Variants in THSD7A observed in about 807,000 individuals in gnomAD.
THSD7A encodes the protein thrombospondin type 1 domain containing 7A.
Under a neutral mutation model 231.3 loss-of-function variants are expected in THSD7A, and 96 were observed. That is an observed-to-expected ratio of 0.41 (90% CI 0.35 to 0.49). The LOEUF is 0.49. Ranked by LOEUF, THSD7A falls within the 20% of genes least tolerant of loss-of-function variation. The pLI is 0.05. For synonymous variants in THSD7A, 940 were observed against 743.3 expected, an observed-to-expected ratio of 1.26 and a Z score of -4.30; for missense variants, 2,290 against 2,070.2, an observed-to-expected ratio of 1.11 and a Z score of -2.06.
At chr7:11,676,038 C>T (rs1783624379) in intron 1 of THSD7A, among the ~76,000 whole-genome samples, 1 of 152,276 alleles carries the variant, frequency 6.6e-6, no homozygotes. Flanking sequence ...CTGGCAGGTG[C>T]CCCTCTAGGA....
rs771790315 is a variant in THSD7A at position 11,406,980 on chromosome 7, T to C, written c.3992A>G (p.Gln1331Arg). 6.2e-7 allele frequency: 1 copy of C among 1,613,930 alleles called. No homozygotes were observed. The highest frequency in any genetic ancestry group is 8.5e-7 in the Non-Finnish European group (1 of 1,179,858). Residue 1331 changes from glutamine to arginine, a missense_variant, in exon 21 of 28, where the codon CAG becomes CGG. Gln to Arg is a conservative substitution (Grantham distance 43). Transcript: ENST00000423059. The surrounding 1 kb of genome is among the most constrained non-coding windows in gnomAD (Gnocchi z 4.7). ...DGRPCPSLMDQSKPCPVKPCY... is the reference protein window; with the variant it reads ...DGRPCPSLMDRSKPCPVKPCY... Reference sequence around the variant, plus strand: ...AGGCTTCACTGGGCAGGGTTTGGACTGGTCCATCAGGGAAGGGCATGGTCT... The same window carrying C: ...AGGCTTCACTGGGCAGGGTTTGGACCGGTCCATCAGGGAAGGGCATGGTCT...
At chr7:11,448,944 T>C (rs1785059395) in intron 11 of THSD7A, among the ~76,000 whole-genome samples, 1 of 152,062 alleles carries the variant, frequency 6.6e-6, no homozygotes, top group Non-Finnish European at 1.5e-5. Context: ...AGTGTTGGCC[T>C]TGATGAAGGT....
At chr7:11,477,284 TG>T (rs1364813524) in intron 7 of THSD7A, among the ~76,000 whole-genome samples, 1 of 152,198 alleles carries the variant, frequency 6.6e-6, no homozygotes, top group Non-Finnish European at 1.5e-5. Flanking sequence ...TTTTGTACAA[TG>T]TCTTCCAATT....
intron 1 of THSD7A, among the ~76,000 whole-genome samples, chr7:11,648,618 G>A (rs557802155): frequency 2.8e-4 from 35 of 126,648 alleles, no homozygotes; most frequent in South Asian, 9.8e-4. Flanking sequence ...CCAATAGCTT[G>A]TCAGGATCTA....
intron 13 of THSD7A, among the ~76,000 whole-genome samples, chr7:11,430,282 C>A (rs147791988): frequency 1.8e-4 from 28 of 152,184 alleles, no homozygotes; most frequent in African/African-American, 6.5e-4. Context: ...CGTTGTGCAA[C>A]CATCATCACC....
intron 1 of THSD7A, among the ~76,000 whole-genome samples, chr7:11,675,886 G>T (rs1175630131): frequency 6.6e-6 from 1 of 152,190 alleles, no homozygotes; most frequent in Non-Finnish European, 1.5e-5. Context: ...AGAGAAAATG[G>T]ATCTCCCAGC....
chr7:11,532,258 C>T (rs1267970044), intron 6 of THSD7A, among the ~76,000 whole-genome samples: 1 of 152,102 alleles, frequency 6.6e-6, no homozygotes, highest in Admixed American at 6.6e-5. Context: ...AAAGCCAACA[C>T]AGAAACTACC....
chr7:11,688,196 G>A lies in THSD7A; in HGVS notation c.191-51235C>T, dbSNP rs1015030435. ...CTTGTGATAGTTTGCTGAGAATGAC[G>A]GTTTCCCGCTTCAACCACGTCCCTA... On this transcript the variant is annotated intron_variant, in intron 1 of 27. Transcript: ENST00000423059. Among the ~76,000 whole-genome samples, 7 of 151,568 alleles carry A rather than the reference G, an allele frequency of 4.6e-5. No homozygotes were observed. The East Asian group carries it at 5.9e-4, about 13-fold the overall frequency.
At chr7:11,496,298 T>C (rs796980608) in intron 6 of THSD7A, among the ~76,000 whole-genome samples, 14 of 152,342 alleles carry the variant, frequency 9.2e-5, no homozygotes, top group African/African-American at 3.4e-4. Flanking sequence ...TATACTATGC[T>C]GTCCCCTCTT....
At chr7:11,575,153 C>T (rs1172900104) in intron 4 of THSD7A, among the ~76,000 whole-genome samples, 4 of 152,164 alleles carry the variant, frequency 2.6e-5, no homozygotes, top group African/African-American at 9.7e-5. Flanking sequence ...CTATCATCCT[C>T]GTCATCCTCT....
intron 6 of THSD7A, among the ~76,000 whole-genome samples, chr7:11,520,537 A>G (rs1481873136): frequency 6.6e-6 from 1 of 152,204 alleles, no homozygotes; most frequent in Non-Finnish European, 1.5e-5. Flanking sequence ...AGAATCATGT[A>G]TATATCTTTG....
intron 1 of THSD7A, among the ~76,000 whole-genome samples, chr7:11,740,052 C>T (rs914269714): frequency 1.3e-5 from 2 of 152,028 alleles, no homozygotes; most frequent in African/African-American, 4.8e-5. Context: ...CTTTTATTCA[C>T]TGGCTCCCTT....
chr7:11,724,108 C>A (rs767337533), intron 1 of THSD7A, among the ~76,000 whole-genome samples: 7 of 151,814 alleles, frequency 4.6e-5, no homozygotes, highest in Admixed American at 2.0e-4. Context: ...AAATTGAGCT[C>A]TTATGATATG....
chr7:11,786,514 G>C (rs1476906942), intron 1 of THSD7A, among the ~76,000 whole-genome samples: 1 of 151,836 alleles, frequency 6.6e-6, no homozygotes, highest in Non-Finnish European at 1.5e-5. Flanking sequence ...TGCTACAAAA[G>C]GTATGAAAGC....
chr7:11,594,096 T>C (rs1321153030), intron 2 of THSD7A, among the ~76,000 whole-genome samples: 2 of 152,106 alleles, frequency 1.3e-5, no homozygotes, highest in African/African-American at 2.4e-5. Flanking sequence ...CAGAAAAACA[T>C]GAAAAGAGTA....
At chr7:11,394,707 C>G (rs1312036644) in intron 23 of THSD7A, among the ~76,000 whole-genome samples, 2 of 152,192 alleles carry the variant, frequency 1.3e-5, no homozygotes, top group Non-Finnish European at 2.9e-5. Flanking sequence ...CACGCCTACA[C>G]TGAATAAAAG....
chr7:11,371,402 A>G lies in THSD7A; in HGVS notation c.*4392T>C, dbSNP rs1782047124. ...TTCTCACAACTAAACTAGTCCCAGG[A>G]AAGATCACATTCTGACAAGATTCCT... is the stretch of plus-strand genomic sequence containing the variant. On this transcript the variant is annotated 3_prime_UTR_variant, in exon 28 of 28. Transcript: ENST00000423059. 6.6e-6 allele frequency: 1 copy of G among 152,228 alleles called. No homozygotes were observed. Among genetic ancestry groups the G allele is most frequent in the African/African-American group, 2.4e-5 (1 of 41,460 alleles). The allele number at this position is 152,228 out of a possible 1,614,324, so 9.4% of individuals were successfully genotyped here. A position where few individuals can be genotyped will look rare whatever the true frequency, so the allele number is the denominator to read the frequency against.
intron 1 of THSD7A, among the ~76,000 whole-genome samples, chr7:11,752,446 G>A (rs1211687333): frequency 6.6e-6 from 1 of 151,838 alleles, no homozygotes; most frequent in Non-Finnish European, 1.5e-5. Context: ...TCCTTTTTGG[G>A]CAATGCAAGA....
chr7:11,721,368 T>C (rs935011889), intron 1 of THSD7A, among the ~76,000 whole-genome samples: 3 of 151,780 alleles, frequency 2.0e-5, no homozygotes, highest in East Asian at 3.9e-4. Context: ...TCTCATGAAA[T>C]CTAGCTGTTT....
Sources: allele counts gnomAD v4.1 joint callset (sites outside exome capture counted in the v4.1 genomes callset), GRCh38; gene constraint gnomAD v4.1.1; non-coding constraint Gnocchi (gnomAD v3.1); transcripts MANE v1.5; gene names NCBI Gene and HGNC (gene_info 2026-07-23, HGNC 2026-07-21).